Variants in CCDC63 observed in about 807,000 individuals in gnomAD.
The protein encoded by CCDC63 is coiled-coil domain-containing protein 63.
A neutral mutation model predicts 63.6 loss-of-function variants in CCDC63; 54 were observed. The observed-to-expected ratio is 0.85, with a 90% CI of 0.68 to 1.07. The LOEUF (loss-of-function observed/expected upper bound fraction) is 1.07. Among genes scored for constraint, CCDC63 ranks in the 50% least tolerant of loss-of-function variants. The probability of loss-of-function intolerance (pLI) is 0.00; values close to 1 mark genes in which losing one functional copy is unlikely to be tolerated. For synonymous variants in CCDC63, 253 were observed against 266.1 expected, an observed-to-expected ratio of 0.95 and a Z score of 0.48; for missense variants, 637 against 689.6, an observed-to-expected ratio of 0.92 and a Z score of 0.86.
At position 110,873,977 on chromosome 12, in the gene CCDC63, T is replaced by C. The variant is rs2071099716; in HGVS notation, c.489+16T>C. On this transcript the variant is annotated intron_variant, in intron 5 of 11. Coordinates refer to ENST00000308208, the MANE Select transcript of CCDC63 (RefSeq NM_152591.3). ...TTTGAATCTCGTATGTAAAGTGTTC[T>C]CTGCAGCTCTGCAAACAGCTCTGCC... is the stretch of plus-strand genomic sequence containing the variant. 6.2e-7 allele frequency: 1 copy of C among 1,601,948 alleles called. No homozygotes were observed. Among genetic ancestry groups the C allele is most frequent in the Non-Finnish European group, 8.5e-7 (1 of 1,174,118 alleles).
intron 7 of CCDC63, among the ~76,000 whole-genome samples, chr12:110,881,886 T>C (rs2071213483): frequency 1.3e-5 from 2 of 152,242 alleles, no homozygotes; most frequent in Admixed American, 1.3e-4. Context: ...AATTCAAATT[T>C]AACTGAGAAC....
intron 4 of CCDC63, among the ~76,000 whole-genome samples, chr12:110,867,376 C>A (rs1593655885): frequency 8.4e-6 from 1 of 118,690 alleles, no homozygotes; most frequent in African/African-American, 3.4e-5. Flanking sequence ...CCCTCCCGGA[C>A]AGGGCGGCTG....
chr12:110,903,964 A>G (rs1000872283), intron 10 of CCDC63, among the ~76,000 whole-genome samples: 4 of 152,206 alleles, frequency 2.6e-5, no homozygotes, highest in South Asian at 4.1e-4. Context: ...CTCTCTAGAC[A>G]TATTTTCCTA....
At chr12:110,879,344 T>A (rs924637470) in intron 5 of CCDC63, among the ~76,000 whole-genome samples, 3 of 152,194 alleles carry the variant, frequency 2.0e-5, no homozygotes, top group African/African-American at 7.2e-5. Context: ...GGAGACACTG[T>A]TGGTTGTCAT....
chr12:110,867,553 G>T (rs1278306462), intron 4 of CCDC63, among the ~76,000 whole-genome samples: 3 of 124,176 alleles, frequency 2.4e-5, no homozygotes, highest in Admixed American at 7.6e-5. Flanking sequence ...CCTCCCGGAC[G>T]GGGCGGCTGG....
At chr12:110,893,011 A>G (rs2071376226) in intron 8 of CCDC63, 65 bp from the exon 9 acceptor site, 1 of 1,310,302 alleles carries the variant, frequency 7.6e-7, no homozygotes, top group Admixed American at 1.8e-5. Flanking sequence ...GCGCACACTT[A>G]TTTTTGGGAG....
At chr12:110,875,970 G>A (rs894443769) in intron 5 of CCDC63, among the ~76,000 whole-genome samples, 31 of 152,156 alleles carry the variant, frequency 2.0e-4, no homozygotes, top group Middle Eastern at 6.8e-3. Flanking sequence ...GCCAGGCATG[G>A]TGATGCATGC....
chr12:110,863,040 A>C (rs2070880859), intron 4 of CCDC63, among the ~76,000 whole-genome samples: 1 of 151,512 alleles, frequency 6.6e-6, no homozygotes, highest in South Asian at 2.1e-4. Flanking sequence ...ACAGGCATGA[A>C]CCACGGCGTC....
At chr12:110,862,756 C>CT (rs563276053) in intron 4 of CCDC63, among the ~76,000 whole-genome samples, 96 of 146,264 alleles carry the variant, frequency 6.6e-4, no homozygotes, top group East Asian at 1.6e-3. Flanking sequence ...TTTTTCTTTT[C>CT]TTTTTTTTTT....
At chr12:110,870,740 C>A (rs1263224617) in intron 4 of CCDC63, among the ~76,000 whole-genome samples, 1 of 152,160 alleles carries the variant, frequency 6.6e-6, no homozygotes, top group Non-Finnish European at 1.5e-5. Flanking sequence ...TTGCTCTCAT[C>A]TTCACCTTCT....
At chr12:110,864,327 G>A (rs1462744994) in intron 4 of CCDC63, among the ~76,000 whole-genome samples, 1 of 151,946 alleles carries the variant, frequency 6.6e-6, no homozygotes, top group Non-Finnish European at 1.5e-5. Flanking sequence ...GTCCTACACA[G>A]TTGCCTGTGG....
At chr12:110,893,495 C>G (rs1044532659) in intron 9 of CCDC63, among the ~76,000 whole-genome samples, 6 of 152,186 alleles carry the variant, frequency 3.9e-5, no homozygotes, top group African/African-American at 1.4e-4. Context: ...CTCTTTCTTC[C>G]CCTTGTCCTG....
chr12:110,867,233 C>T (rs2070972231), intron 4 of CCDC63, among the ~76,000 whole-genome samples: 1 of 129,804 alleles, frequency 7.7e-6, no homozygotes, highest in Admixed American at 7.4e-5. Flanking sequence ...GCCGACCCCC[C>T]CACCTCCCTC....
chr12:110,857,705 C>T (rs1305004001), intron 3 of CCDC63, among the ~76,000 whole-genome samples: 2 of 152,158 alleles, frequency 1.3e-5, no homozygotes, highest in Non-Finnish European at 2.9e-5. Flanking sequence ...TTTTCCAAAT[C>T]CCCCTGTTTT....
intron 10 of CCDC63, among the ~76,000 whole-genome samples, chr12:110,899,922 C>T (rs2071465720): frequency 6.6e-6 from 1 of 151,800 alleles, no homozygotes; most frequent in Non-Finnish European, 1.5e-5. Context: ...CAAAAAACCA[C>T]CCAAAACTAG....
chr12:110,855,354 C>T (rs2070757480), intron 3 of CCDC63, among the ~76,000 whole-genome samples: 2 of 152,172 alleles, frequency 1.3e-5, no homozygotes, highest in South Asian at 4.1e-4. Flanking sequence ...ACCTGCACAT[C>T]TGTGGCTGGC....
chr12:110,882,746 G>A (rs1188396357), intron 7 of CCDC63, among the ~76,000 whole-genome samples: 1 of 152,154 alleles, frequency 6.6e-6, no homozygotes, highest in Non-Finnish European at 1.5e-5. Flanking sequence ...TGTGGTCTCA[G>A]CTACTGGGGA....
chr12:110,854,385 C>T lies in CCDC63; in HGVS notation c.179+811C>T, dbSNP rs532873109. Among the ~76,000 whole-genome samples, 134 of 151,004 alleles carry T rather than the reference C, an allele frequency of 8.9e-4. 1 individual carries two copies. Among genetic ancestry groups the T allele is most frequent in the African/African-American group, 3.1e-3 (129 of 41,068 alleles). On this transcript the variant is annotated intron_variant, in intron 3 of 11. Coordinates refer to ENST00000308208, the MANE Select transcript of CCDC63 (RefSeq NM_152591.3). ...TCCCAGCTCACTGCAACCTCCGCCT[C>T]CCGGGTTCAGGTGATTCTCCTGCCT...
At chr12:110,874,043 A>G (rs2071100882) in intron 5 of CCDC63, 82 bp downstream of exon 5, 1 of 1,517,046 alleles carries the variant, frequency 6.6e-7, no homozygotes, top group Non-Finnish European at 8.9e-7. Context: ...CCCAGCCATT[A>G]GCAGAACATA....
Sources: allele counts gnomAD v4.1 joint callset (sites outside exome capture counted in the v4.1 genomes callset), GRCh38; gene constraint gnomAD v4.1.1; transcripts MANE v1.5; gene names NCBI Gene and HGNC (gene_info 2026-07-23, HGNC 2026-07-21).